The following MYH9 variants were observed in gnomAD, a reference collection of about 807,000 sequenced individuals.
MYH9 encodes myosin-9.
A neutral mutation model predicts 241.9 loss-of-function variants in MYH9; 29 were observed. The ratio of observed to expected loss-of-function variants is 0.12; its 90% CI spans 0.09 to 0.16. The LOEUF is 0.16. Ranked by LOEUF, MYH9 falls within the 10% of genes least tolerant of loss-of-function variation. The pLI, the probability that MYH9 is intolerant of heterozygous loss-of-function variation, is 1.00. For missense variants in MYH9, 1,803 were observed against 2,595.5 expected (o/e 0.69, Z 6.63); for synonymous variants, 1,047 against 1,062.6 (o/e 0.99, Z 0.29).
intron 40 of MYH9, 74 bp downstream of exon 40, chr22:36,284,019 G>C: frequency 6.4e-7 from 1 of 1,573,206 alleles, no homozygotes; most frequent in Non-Finnish European, 8.7e-7. Context: ...CTTGCTTGTG[G>C]GCTCTGGTTG....
rs923335271 is a variant in MYH9, at chr22:36,302,577, G to A, written c.2490C>T (p.Leu830=). ...CCCTTCTAGCACGCACCTTGGTGAAGAGCCGCCACCACTGCCAGTTCCGCA... is the reference window on the plus strand; with the variant it reads ...CCCTTCTAGCACGCACCTTGGTGAAAAGCCGCCACCACTGCCAGTTCCGCA... ...LKLRNWQWWR[L]FTKVKPLLQV... Residue 830 remains leucine (L), a synonymous_variant, in exon 20 of 41, where the codon CTC becomes CTT. Transcript: ENST00000216181. 22 of 1,613,010 alleles carry A rather than the reference G, an allele frequency of 1.4e-5. No individual in the cohort carries two copies. The highest frequency in any genetic ancestry group is 1.9e-5 in the Non-Finnish European group (22 of 1,179,918).
At chr22:36,381,607 A>G (rs2018256853) in intron 1 of MYH9, among the ~76,000 whole-genome samples, 1 of 152,086 alleles carries the variant, frequency 6.6e-6, no homozygotes, top group Admixed American at 6.6e-5. Context: ...CCAGGGTCTC[A>G]GTATCTTTCC....
chr22:36,316,678 C>G lies in MYH9; in HGVS notation c.1228-9G>C, dbSNP rs1229069204. The stretch of plus-strand genomic sequence containing the variant: ...TCGATGGCAAAGTCAGCCTGCGGGG[C>G]ACACCCGGGGAGCGTGGTGTCAGAT... On this transcript the variant is annotated splice_polypyrimidine_tract_variant and intron_variant, in intron 11 of 40. Transcript: ENST00000216181. 1.2e-6 allele frequency: 2 copies of G among 1,613,490 alleles called. No individual in the cohort carries two copies. Among genetic ancestry groups the G allele is most frequent in the Non-Finnish European group, 1.7e-6 (2 of 1,180,024 alleles).
At chr22:36,345,527 T>A (rs937452924) in intron 2 of MYH9, among the ~76,000 whole-genome samples, 1 of 152,082 alleles carries the variant, frequency 6.6e-6, no homozygotes, top group Non-Finnish European at 1.5e-5. Context: ...CTATAAAGCC[T>A]GCCAAGAGGA....
chr22:36,332,035 C>T (rs909562366), intron 3 of MYH9, among the ~76,000 whole-genome samples: 6 of 152,172 alleles, frequency 3.9e-5, no homozygotes, highest in African/African-American at 1.4e-4. Context: ...CCCTGCCCTG[C>T]GTTGCCAGGA....
At position 36,282,597 on chromosome 22, in the gene MYH9, G is replaced by C. The variant is rs1337394247; in HGVS notation, c.*71C>G. On this transcript the variant is annotated 3_prime_UTR_variant, in exon 41 of 41. Coordinates refer to ENST00000216181, the MANE Select transcript of MYH9 (RefSeq NM_002473.6). ...GTCCCAAGAAGGTGGGGAGAGGCGT[G>C]CTGCGGGGTCTGGGAAGGGGAGGCT... 1.4e-6 allele frequency: 2 copies of C among 1,389,634 alleles called. No homozygotes were observed. The highest frequency in any genetic ancestry group is 3.3e-5 in the Admixed American group (2 of 59,736). 86.1% of individuals were successfully genotyped at this position (1,389,634 alleles called of 1,614,324 possible).
At chr22:36,292,296 TC>T (rs1020980755) in intron 30 of MYH9, 62 bp from the exon 31 acceptor site, 7 of 1,607,558 alleles carry the variant, frequency 4.4e-6, no homozygotes, top group Non-Finnish European at 5.1e-6. Flanking sequence ...GGCACACCCG[TC>T]CCTGGGGCAG....
intron 1 of MYH9, among the ~76,000 whole-genome samples, chr22:36,376,285 A>G (rs1471121596): frequency 3.9e-5 from 6 of 152,248 alleles, no homozygotes; most frequent in African/African-American, 1.4e-4. Context: ...ATTATAATTA[A>G]TAACGAGACT....
In MYH9 at chr22:36,295,131, C is replaced by A; in HGVS notation, c.3486-55G>T. 1 of 1,612,560 alleles carries A rather than the reference C, an allele frequency of 6.2e-7. No individual in the cohort carries two copies. The highest frequency in any genetic ancestry group is 1.3e-5 in the African/African-American group (1 of 75,014). On this transcript the variant is annotated intron_variant, in intron 26 of 40. Transcript: ENST00000216181. The surrounding 1 kb of genome is among the most constrained non-coding windows in gnomAD (Gnocchi z 4.1). The stretch of plus-strand genomic sequence containing the variant: ...GCCGGGGATGCTGGAGCGAGGCTGT[C>A]CCTGGGGCTCTTCCCTGACCAAAGA...
rs764837843 is a variant in MYH9, at chr22:36,300,831, C to T, written c.2838+20G>A. 37 of 1,599,276 alleles carry T rather than the reference C, an allele frequency of 2.3e-5. No homozygotes were observed. Among genetic ancestry groups the T allele is most frequent in the Non-Finnish European group, 2.9e-5 (34 of 1,179,888 alleles). ...CTGCCCCTCCGGCGCCACCCCTCCC[C>T]GGGTGCAGCGGGCAGGAACCTGGAT... On this transcript the variant is annotated intron_variant, in intron 22 of 40. Transcript: ENST00000216181. The surrounding 1 kb of genome is among the most constrained non-coding windows in gnomAD (Gnocchi z 5.0).
At chr22:36,364,046 C>T (rs1223241856) in intron 1 of MYH9, among the ~76,000 whole-genome samples, 1 of 152,172 alleles carries the variant, frequency 6.6e-6, no homozygotes, top group Non-Finnish European at 1.5e-5. Context: ...ATTATACGGC[C>T]ACCGTCTCAG....
At chr22:36,296,720 C>G in intron 25 of MYH9, 123 bp downstream of exon 25, 1 of 1,139,178 alleles carries the variant, frequency 8.8e-7, no homozygotes, top group East Asian at 2.6e-5. Context: ...AAATAAATGG[C>G]TCTTTTAAGA....
intron 2 of MYH9, among the ~76,000 whole-genome samples, chr22:36,348,492 G>A (rs1434321784): frequency 7.2e-6 from 1 of 139,838 alleles, no homozygotes; most frequent in East Asian, 2.1e-4. Flanking sequence ...GGGGGCAACA[G>A]AGCAAGACTC....
intron 1 of MYH9, among the ~76,000 whole-genome samples, chr22:36,366,578 T>C (rs1452318838): frequency 1.3e-5 from 2 of 152,042 alleles, no homozygotes; most frequent in East Asian, 1.9e-4. Context: ...GTGACTTGCC[T>C]AGGTACAGGG....
At chr22:36,370,641 G>A (rs1034610951) in intron 1 of MYH9, among the ~76,000 whole-genome samples, 4 of 152,166 alleles carry the variant, frequency 2.6e-5, no homozygotes, top group Admixed American at 6.5e-5. Flanking sequence ...CCTCCTTACC[G>A]GTGTCAAAAG....
intron 5 of MYH9, among the ~76,000 whole-genome samples, chr22:36,326,230 G>A (rs2017333332): frequency 6.6e-6 from 1 of 152,176 alleles, no homozygotes; most frequent in South Asian, 2.1e-4. Context: ...CCATCAACTT[G>A]AGGACCAAGT....
In MYH9 at chr22:36,320,468, C is replaced by T. The variant is rs2017232576; in HGVS notation, c.869-105G>A. On this transcript the variant is annotated intron_variant, in intron 8 of 40. Transcript: ENST00000216181. This position sits in a 1 kb window ranked among gnomAD's most constrained non-coding sequence, Gnocchi z 4.8. ...GGAGAGACTGGGACAGACCCTGAGCCCTGACGCACCCTGGAAACCGCAGAG... is the reference window on the plus strand; with the variant it reads ...GGAGAGACTGGGACAGACCCTGAGCTCTGACGCACCCTGGAAACCGCAGAG... 2.4e-5 allele frequency: 34 copies of T among 1,443,350 alleles called. No individual in the cohort carries two copies. In the South Asian group the frequency reaches 3.5e-4, roughly 15 times the overall value. 89.4% of individuals were successfully genotyped at this position (1,443,350 alleles called of 1,614,324 possible).
At chr22:36,299,762 AG>A (rs763741187) in intron 23 of MYH9, among the ~76,000 whole-genome samples, 47 of 152,168 alleles carry the variant, frequency 3.1e-4, no homozygotes, top group Admixed American at 1.4e-3. Flanking sequence ...GGGACAGTGG[AG>A]GAAGAGTACC....
chr22:36,332,781 A>G (rs2017444871), intron 3 of MYH9, among the ~76,000 whole-genome samples: 1 of 151,808 alleles, frequency 6.6e-6, no homozygotes, highest in African/African-American at 2.4e-5. Flanking sequence ...AGGAAAACAC[A>G]GGTAAGTTCC....
Sources: allele counts gnomAD v4.1 joint callset (sites outside exome capture counted in the v4.1 genomes callset), GRCh38; gene constraint gnomAD v4.1.1; non-coding constraint Gnocchi (gnomAD v3.1); transcripts MANE v1.5; gene names NCBI Gene and HGNC (gene_info 2026-07-23, HGNC 2026-07-21).